Variants in FOXN3 observed in about 807,000 individuals in gnomAD.
FOXN3 encodes the protein forkhead box N3.
Under a neutral mutation model 38.4 loss-of-function variants are expected in FOXN3, and 7 were observed. That is an observed-to-expected ratio of 0.18 (90% CI 0.10 to 0.34). The LOEUF (loss-of-function observed/expected upper bound fraction) is 0.34. FOXN3 is among the 10% of genes least tolerant of loss of function. The pLI is 1.00. For synonymous variants in FOXN3, 230 were observed against 242.2 expected, an observed-to-expected ratio of 0.95 and a Z score of 0.47; for missense variants, 456 against 613.4, an observed-to-expected ratio of 0.74 and a Z score of 2.71.
chr14:89,462,305 T>C (rs17125896), intron 1 of FOXN3, among the ~76,000 whole-genome samples: 4,511 of 152,328 alleles, frequency 0.03, 98 homozygotes, highest in African/African-American at 0.061. Flanking sequence ...ATCTGGCTAA[T>C]ACTGTCAAAA....
At chr14:89,603,937 C>G (rs1896212559) in intron 1 of FOXN3, among the ~76,000 whole-genome samples, 1 of 151,874 alleles carries the variant, frequency 6.6e-6, no homozygotes, top group Non-Finnish European at 1.5e-5. Context: ...CTGCCTGTCT[C>G]AAAAATAAGT....
intron 1 of FOXN3, among the ~76,000 whole-genome samples, chr14:89,618,843 G>T (rs550165748): frequency 6.6e-6 from 1 of 151,286 alleles, no homozygotes; most frequent in African/African-American, 2.4e-5. Context: ...GCCATGGCTG[G>T]ATCTTTCCCA....
chr14:89,201,433 TC>T (rs1321736537), intron 4 of FOXN3, among the ~76,000 whole-genome samples: 1 of 152,174 alleles, frequency 6.6e-6, no homozygotes, highest in Non-Finnish European at 1.5e-5. Context: ...CAGCTGAAGC[TC>T]ACCGCCCAGG....
chr14:89,265,836 G>A (rs1407558586), intron 4 of FOXN3, among the ~76,000 whole-genome samples: 1 of 152,124 alleles, frequency 6.6e-6, no homozygotes, highest in African/African-American at 2.4e-5. Flanking sequence ...CGGGGCATAC[G>A]GTGATGTAGG....
At chr14:89,228,290 T>C (rs1310305395) in intron 4 of FOXN3, among the ~76,000 whole-genome samples, 1 of 152,220 alleles carries the variant, frequency 6.6e-6, no homozygotes, top group Admixed American at 6.5e-5. Flanking sequence ...ATTTTAGGGA[T>C]TTGTCAGACC....
intron 2 of FOXN3, among the ~76,000 whole-genome samples, chr14:89,359,358 T>G (rs770758763): frequency 1.3e-5 from 2 of 151,956 alleles, no homozygotes; most frequent in Admixed American, 6.5e-5. Flanking sequence ...AAATATTAAA[T>G]AGCCAGCTTT....
chr14:89,496,795 C>T (rs774483156), intron 1 of FOXN3, among the ~76,000 whole-genome samples: 8 of 152,172 alleles, frequency 5.3e-5, no homozygotes, highest in East Asian at 3.8e-4. Context: ...TCCATTCCCC[C>T]GACCCCAGCC....
intron 4 of FOXN3, among the ~76,000 whole-genome samples, chr14:89,188,083 T>C (rs1188736956): frequency 6.6e-6 from 1 of 152,152 alleles, no homozygotes; most frequent in Non-Finnish European, 1.5e-5. Context: ...GGCCTGGGGC[T>C]TTCATGAAGG....
intron 1 of FOXN3, among the ~76,000 whole-genome samples, chr14:89,595,035 G>A (rs759112345): frequency 2.0e-5 from 3 of 151,958 alleles, no homozygotes; most frequent in East Asian, 1.9e-4. Context: ...TAAGTCTTCC[G>A]GCCAGGCGCA....
chr14:89,336,552 C>T (rs922329236), intron 3 of FOXN3, among the ~76,000 whole-genome samples: 22 of 152,158 alleles, frequency 1.4e-4, no homozygotes, highest in East Asian at 5.8e-4. Context: ...CAGATGAGGC[C>T]GGCTCAGGTC....
chr14:89,293,811 T>G (rs921549199), intron 3 of FOXN3, among the ~76,000 whole-genome samples: 4 of 152,154 alleles, frequency 2.6e-5, no homozygotes, highest in Non-Finnish European at 5.9e-5. Context: ...CCCTTCCACA[T>G]GCAGTCTCTC....
chr14:89,580,713 T>C (rs992471026), intron 1 of FOXN3, among the ~76,000 whole-genome samples: 1 of 152,240 alleles, frequency 6.6e-6, no homozygotes. Flanking sequence ...ATTTGCTCCA[T>C]AATTGATGCA....
intron 5 of FOXN3, among the ~76,000 whole-genome samples, chr14:89,170,242 GA>G (rs1274922824): frequency 2.0e-5 from 3 of 152,108 alleles, no homozygotes; most frequent in Non-Finnish European, 4.4e-5. Flanking sequence ...GGTACAAGAA[GA>G]AACAGTCAAA....
intron 1 of FOXN3, among the ~76,000 whole-genome samples, chr14:89,544,550 C>G (rs974365025): frequency 6.6e-6 from 1 of 152,150 alleles, no homozygotes; most frequent in African/African-American, 2.4e-5. Context: ...TGTAGGGCGA[C>G]AGAGAAAGGT....
chr14:89,335,007 T>G (rs1194760950), intron 3 of FOXN3, among the ~76,000 whole-genome samples: 1 of 151,884 alleles, frequency 6.6e-6, no homozygotes, highest in Non-Finnish European at 1.5e-5. Flanking sequence ...CCCCATGATC[T>G]GCCCGCCTCA....
At chr14:89,532,813 T>C (rs1894597342) in intron 1 of FOXN3, among the ~76,000 whole-genome samples, 1 of 152,166 alleles carries the variant, frequency 6.6e-6, no homozygotes. Flanking sequence ...AAACCACTAT[T>C]GTAGGCACCA....
chr14:89,240,158 C>T (rs11846834), intron 4 of FOXN3, among the ~76,000 whole-genome samples: 5,733 of 152,210 alleles, frequency 0.038, 334 homozygotes, highest in African/African-American at 0.13. Context: ...CCAGACTTCT[C>T]GATGGACACA....
At chr14:89,301,314 A>G (rs1473443524) in intron 3 of FOXN3, among the ~76,000 whole-genome samples, 1 of 48,950 alleles carries the variant, frequency 2.0e-5, no homozygotes, top group African/African-American at 1.3e-4. Context: ...CTACAAAAGA[A>G]AAAAAAAAAA....
intron 3 of FOXN3, among the ~76,000 whole-genome samples, chr14:89,283,910 G>C (rs1886537214): frequency 6.6e-6 from 1 of 152,280 alleles, no homozygotes; most frequent in East Asian, 1.9e-4. Context: ...GCCCAGGCTG[G>C]AGTGCAGTGG....
Sources: allele counts gnomAD v4.1 joint callset (sites outside exome capture counted in the v4.1 genomes callset), GRCh38; gene constraint gnomAD v4.1.1; transcripts MANE v1.5; gene names NCBI Gene and HGNC (gene_info 2026-07-23, HGNC 2026-07-21).